Variants in EPHA4 observed in about 807,000 individuals in gnomAD.
EPHA4 encodes the protein ephrin type-A receptor 4.
In EPHA4, 19 loss-of-function variants were observed where a neutral mutation model predicts 108.3. The ratio of observed to expected loss-of-function variants is 0.18; its 90% CI spans 0.12 to 0.26. EPHA4 has a LOEUF of 0.26. Among genes scored for constraint, EPHA4 ranks in the 10% least tolerant of loss-of-function variants. The pLI, the probability that EPHA4 is intolerant of heterozygous loss-of-function variation, is 1.00. For synonymous variants in EPHA4, 449 were observed against 455.5 expected (o/e 0.99, Z 0.18); for missense variants, 917 against 1,254.0 (o/e 0.73, Z 4.06).
intron 3 of EPHA4, among the ~76,000 whole-genome samples, chr2:221,524,976 A>C (rs1693277571): frequency 6.6e-6 from 1 of 152,216 alleles, no homozygotes; most frequent in South Asian, 2.1e-4. Flanking sequence ...TTTACCTGGA[A>C]GGAGTGCTGG....
intron 5 of EPHA4, among the ~76,000 whole-genome samples, chr2:221,474,782 G>A (rs1254260317): frequency 6.6e-6 from 1 of 152,070 alleles, no homozygotes; most frequent in African/African-American, 2.4e-5. Context: ...AATTTCTTAG[G>A]GGTAAGGAAA....
At chr2:221,511,748 T>C (rs910666760) in intron 3 of EPHA4, among the ~76,000 whole-genome samples, 1 of 152,208 alleles carries the variant, frequency 6.6e-6, no homozygotes, top group African/African-American at 2.4e-5. Context: ...TGATAAGAGA[T>C]GACAATTTAA....
At chr2:221,493,426 C>T (rs1457895396) in intron 4 of EPHA4, among the ~76,000 whole-genome samples, 1 of 151,070 alleles carries the variant, frequency 6.6e-6, no homozygotes, top group Non-Finnish European at 1.5e-5. Context: ...TGTGAGATTC[C>T]CAAAATTAAA....
In EPHA4 at chr2:221,482,358, G is replaced by T; in HGVS notation, c.1312C>A (p.Gln438Lys). The T allele has an allele frequency of 6.3e-7, 1 of 1,599,908 alleles. No individual in the cohort carries two copies. The highest frequency in any genetic ancestry group is 8.5e-7 in the Non-Finnish European group (1 of 1,170,202). The change falls in exon 5 of 18, where the codon CAA becomes AAA. Residue 438 changes from glutamine to lysine, a missense_variant. Gln to Lys is a moderately conservative substitution (Grantham distance 53). Transcript: ENST00000281821. ...AAGTAGATTCAATTCCTACCTGCTT[G>T]GTTGGTGGTCACAGTGACAGAAACT... The part of the protein sequence containing the change: ...QSVSVTVTTN[Q>K]AAPSSIALVQ...
intron 5 of EPHA4, among the ~76,000 whole-genome samples, chr2:221,480,457 C>A (rs1691785668): frequency 1.3e-5 from 2 of 152,310 alleles, no homozygotes; most frequent in Middle Eastern, 6.8e-3. Context: ...ATTGCATCAG[C>A]TCCTAATTCA....
chr2:221,486,148 G>A (rs1243149440), intron 4 of EPHA4, among the ~76,000 whole-genome samples: 1 of 152,118 alleles, frequency 6.6e-6, no homozygotes, highest in Non-Finnish European at 1.5e-5. Context: ...AGGGCTAACT[G>A]TTGTACTTGT....
intron 2 of EPHA4, among the ~76,000 whole-genome samples, chr2:221,565,384 T>A (rs1444146969): frequency 6.6e-6 from 1 of 152,208 alleles, no homozygotes; most frequent in Admixed American, 6.5e-5. Flanking sequence ...ACTAAGCTGG[T>A]AGGCAGCCTC....
In EPHA4 at chr2:221,473,484, T is replaced by C. The variant is rs369127183; in HGVS notation, c.1318+8868A>G. Among the ~76,000 whole-genome samples the C allele has an allele frequency of 1.2e-4, 18 of 146,662 alleles. No homozygotes were observed. The South Asian group carries it at 3.6e-3, about 29-fold the overall frequency. On this transcript the variant is annotated intron_variant, in intron 5 of 17. Coordinates refer to ENST00000281821, the MANE Select transcript of EPHA4 (RefSeq NM_004438.5). ...GGACAGGCATTTCAATTAGTCCCTG[T>C]AGATTTAAGATCTCTTAATGCAAGA...
In EPHA4 at chr2:221,482,525, C is replaced by T. The variant is rs1691850110; in HGVS notation, c.1145G>A (p.Ser382Asn). The T allele has an allele frequency of 3.1e-6, 5 of 1,614,134 alleles. No individual in the cohort carries two copies. Among genetic ancestry groups the T allele is most frequent in the South Asian group, 1.1e-5 (1 of 91,084 alleles). Residue 382 changes from serine to asparagine, a missense_variant, in exon 5 of 18, where the codon AGT becomes AAT. Coordinates refer to ENST00000281821, the MANE Select transcript of EPHA4 (RefSeq NM_004438.5). Reference sequence around the variant, plus strand: ...CTGCTGTGGGGTGTAGTGGACCCCACTTCCACAGGGTCGGCACTTGCTGGG... The same window carrying T: ...CTGCTGTGGGGTGTAGTGGACCCCATTTCCACAGGGTCGGCACTTGCTGGG... ...GDPSKCRPCG[S>N]GVHYTPQQNG... is the part of the protein sequence containing the mutation.
chr2:221,455,763 A>G (rs1207381561), intron 7 of EPHA4, 105 bp from the exon 8 acceptor site: 4 of 764,772 alleles, frequency 5.2e-6, no homozygotes, highest in Non-Finnish European at 6.7e-6. Flanking sequence ...TGGAGAGAGA[A>G]AGACACTTGA....
rs114432411 is a variant in EPHA4, at chr2:221,511,864, C to G, written c.824-10692G>C. Among the ~76,000 whole-genome samples the G allele has an allele frequency of 3.2e-3, 487 of 152,236 alleles. 2 individuals carry two copies. The highest frequency in any genetic ancestry group is 0.015 in the South Asian group (71 of 4,820). ...TCTTATTCTAACCTTTGTTCTAATT[C>G]TTCCATTAGAGCACTGAAAATTTGC... On this transcript the variant is annotated intron_variant, in intron 3 of 17. Transcript: ENST00000281821.
intron 5 of EPHA4, among the ~76,000 whole-genome samples, chr2:221,481,864 G>A (rs1168220484): frequency 6.6e-6 from 1 of 152,028 alleles, no homozygotes; most frequent in African/African-American, 2.4e-5. Context: ...ACTCTGCATT[G>A]GTAAAAATCA....
At chr2:221,496,448 G>A (rs567123319) in intron 4 of EPHA4, among the ~76,000 whole-genome samples, 1 of 152,296 alleles carries the variant, frequency 6.6e-6, no homozygotes, top group South Asian at 2.1e-4. Context: ...GGGAGATGTC[G>A]AAAGGAAGAG....
intron 10 of EPHA4, 40 bp from the exon 11 acceptor site, chr2:221,443,054 CA>C: frequency 6.4e-7 from 1 of 1,572,852 alleles, no homozygotes; most frequent in Non-Finnish European, 8.7e-7. Flanking sequence ...ACCAGAAACA[CA>C]TTCAAGATGA....
At chr2:221,428,075 T>C (rs1468590417) in intron 15 of EPHA4, among the ~76,000 whole-genome samples, 3 of 152,206 alleles carry the variant, frequency 2.0e-5, no homozygotes, top group Non-Finnish European at 4.4e-5. Flanking sequence ...TGTTACCACA[T>C]AGAATTTTGG....
intron 3 of EPHA4, among the ~76,000 whole-genome samples, chr2:221,512,113 C>A (rs917546912): frequency 1.3e-5 from 2 of 151,934 alleles, no homozygotes; most frequent in African/African-American, 4.8e-5. Flanking sequence ...GTAGATTAAG[C>A]AGAACTTAAT....
At chr2:221,536,613 T>G (rs1693675720) in intron 3 of EPHA4, among the ~76,000 whole-genome samples, 1 of 152,214 alleles carries the variant, frequency 6.6e-6, no homozygotes, top group Non-Finnish European at 1.5e-5. Flanking sequence ...CTCTAAACAA[T>G]GTACTTTGGT....
chr2:221,562,894 C>T (rs1184733798), intron 3 of EPHA4, among the ~76,000 whole-genome samples: 1 of 152,064 alleles, frequency 6.6e-6, no homozygotes, highest in Non-Finnish European at 1.5e-5. Flanking sequence ...CAAGAATCAA[C>T]TGCATACACT....
intron 3 of EPHA4, among the ~76,000 whole-genome samples, chr2:221,534,392 T>C (rs997254895): frequency 3.9e-5 from 6 of 152,190 alleles, no homozygotes; most frequent in Admixed American, 3.3e-4. Context: ...AATAGGTTTT[T>C]CTTGTATTGG....
Sources: allele counts gnomAD v4.1 joint callset (sites outside exome capture counted in the v4.1 genomes callset), GRCh38; gene constraint gnomAD v4.1.1; transcripts MANE v1.5; gene names NCBI Gene and HGNC (gene_info 2026-07-23, HGNC 2026-07-21).